The following ASAP2 variants were observed in gnomAD, a reference collection of about 807,000 sequenced individuals.
The protein encoded by ASAP2 is arf-GAP with SH3 domain, ANK repeat and PH domain-containing protein 2.
In ASAP2, 45 loss-of-function variants were observed where a neutral mutation model predicts 131.4. The ratio of observed to expected loss-of-function variants is 0.34; its 90% CI spans 0.27 to 0.44. The LOEUF is 0.44. Ranked by LOEUF, ASAP2 falls within the 20% of genes least tolerant of loss-of-function variation. The pLI is 1.00. For synonymous variants in ASAP2, 510 were observed against 503.0 expected (o/e 1.01, Z -0.19); for missense variants, 1,011 against 1,297.0 (o/e 0.78, Z 3.39).
In ASAP2 at chr2:9,224,249, G is replaced by A. The variant is rs141182305; in HGVS notation, c.126+17019G>A. On this transcript the variant is annotated intron_variant, in intron 1 of 27. Transcript: ENST00000281419. ...CTGCTTGACCTCTGAATACTCTGGC[G>A]CTTCCTTTTTGGGGTCAGGAAGCTT... is the stretch of plus-strand genomic sequence containing the variant. Among the ~76,000 whole-genome samples the A allele has an allele frequency of 2.6e-3, 402 of 152,180 alleles. 1 individual carries two copies. The highest frequency in any genetic ancestry group is 8.6e-3 in the African/African-American group (358 of 41,502).
intron 3 of ASAP2, among the ~76,000 whole-genome samples, 199 bp from the exon 4 acceptor site, chr2:9,318,325 C>G (rs149442402): frequency 6.6e-6 from 1 of 152,164 alleles, no homozygotes; most frequent in African/African-American, 2.4e-5. Context: ...CAGACCTAGA[C>G]TTTTCATTAG....
intron 2 of ASAP2, among the ~76,000 whole-genome samples, chr2:9,289,221 G>T (rs1350352242): frequency 6.6e-6 from 1 of 152,178 alleles, no homozygotes; most frequent in Non-Finnish European, 1.5e-5. Context: ...TGACTCTCCA[G>T]CCCTTCCCCA....
At chr2:9,321,157 A>G (rs567056868) in intron 5 of ASAP2, among the ~76,000 whole-genome samples, 95 of 152,280 alleles carry the variant, frequency 6.2e-4, no homozygotes, top group African/African-American at 2.0e-3. Flanking sequence ...TGTTAAACTA[A>G]AAGGTGTTAT....
chr2:9,276,252 C>T (rs1002201808), intron 1 of ASAP2, among the ~76,000 whole-genome samples: 5 of 152,134 alleles, frequency 3.3e-5, no homozygotes, highest in South Asian at 2.1e-4. Context: ...GCCACCCTAT[C>T]GTGGAGGTGG....
In ASAP2 at chr2:9,232,993, T is replaced by C. The variant is rs1371579440; in HGVS notation, c.126+25763T>C. On this transcript the variant is annotated intron_variant, in intron 1 of 27. Coordinates refer to ENST00000281419, the MANE Select transcript of ASAP2 (RefSeq NM_003887.3). The surrounding 1 kb of genome is among the most constrained non-coding windows in gnomAD (Gnocchi z 4.1). ...CTATTGCCAGCAGGAATCCAAGGAT[T>C]TCCTTTATTATTTCCAAATTGCTGC... is the stretch of plus-strand genomic sequence containing the variant. Among the ~76,000 whole-genome samples, 1 of 152,230 alleles carries C rather than the reference T, an allele frequency of 6.6e-6. No homozygotes were observed. The highest frequency in any genetic ancestry group is 1.9e-4 in the East Asian group (1 of 5,208).
chr2:9,372,844 C>T (rs758944455), intron 16 of ASAP2, among the ~76,000 whole-genome samples: 15 of 152,254 alleles, frequency 9.9e-5, no homozygotes, highest in Non-Finnish European at 1.2e-4. Flanking sequence ...CTTTGAGACA[C>T]AGCAGTTAGC....
intron 2 of ASAP2, among the ~76,000 whole-genome samples, chr2:9,282,991 C>G (rs1375832914): frequency 6.6e-6 from 1 of 152,250 alleles, no homozygotes; most frequent in Non-Finnish European, 1.5e-5. Context: ...GGGACCTGCC[C>G]TTGCTTCCCC....
chr2:9,333,759 A>C (rs1424255552), intron 7 of ASAP2, among the ~76,000 whole-genome samples: 2 of 152,168 alleles, frequency 1.3e-5, no homozygotes, highest in African/African-American at 4.8e-5. Context: ...CATTCCTCTC[A>C]AAAGGGTTAC....
intron 19 of ASAP2, 99 bp downstream of exon 19, chr2:9,379,158 G>T: frequency 4.0e-6 from 3 of 745,804 alleles, no homozygotes; most frequent in Non-Finnish European, 5.9e-6. Flanking sequence ...GGCCAACCCT[G>T]TGGGCTCTTG....
chr2:9,383,426 G>A (rs376259305), intron 20 of ASAP2, among the ~76,000 whole-genome samples: 1 of 151,952 alleles, frequency 6.6e-6, no homozygotes, highest in South Asian at 2.1e-4. Flanking sequence ...GGCTAAAAAA[G>A]TTTTTAAATT....
rs1322814742 is a variant in ASAP2 at position 9,403,365 on chromosome 2, G to A, written c.*38G>A. The A allele has an allele frequency of 1.3e-6, 2 of 1,595,100 alleles. No individual in the cohort carries two copies. Among genetic ancestry groups the A allele is most frequent in the East Asian group, 4.5e-5 (2 of 44,716 alleles). On this transcript the variant is annotated 3_prime_UTR_variant, in exon 28 of 28. Transcript: ENST00000281419. ...CAAAAGCATTAACAGTTATGTTCCT[G>A]TTTCGTTATTGGTACCAAAACTCTT... is the stretch of plus-strand genomic sequence containing the variant.
chr2:9,287,641 C>T (rs1263740596), intron 2 of ASAP2, among the ~76,000 whole-genome samples: 4 of 152,148 alleles, frequency 2.6e-5, no homozygotes, highest in African/African-American at 4.8e-5. Context: ...GACTGAGCGG[C>T]GAGCTGGTGG....
intron 20 of ASAP2, among the ~76,000 whole-genome samples, chr2:9,381,405 C>G (rs1674828446): frequency 6.6e-6 from 1 of 152,328 alleles, no homozygotes; most frequent in East Asian, 1.9e-4. Context: ...GAATTATTAT[C>G]AAATGCTGTA....
chr2:9,287,411 T>C (rs922222009), intron 2 of ASAP2, among the ~76,000 whole-genome samples: 1 of 152,174 alleles, frequency 6.6e-6, no homozygotes, highest in African/African-American at 2.4e-5. Context: ...GAGCAGCATT[T>C]AAAGAAGAAC....
intron 15 of ASAP2, 134 bp downstream of exon 15, chr2:9,359,023 C>T (rs1232359204): frequency 1.8e-6 from 2 of 1,113,600 alleles, no homozygotes; most frequent in African/African-American, 3.2e-5. Flanking sequence ...TAATTAGAAA[C>T]TCATTGATAA....
chr2:9,367,027 A>ATT (rs1171661319), intron 15 of ASAP2, among the ~76,000 whole-genome samples: 19 of 132,922 alleles, frequency 1.4e-4, no homozygotes, highest in South Asian at 4.8e-4. Context: ...TGCCTGCATA[A>ATT]TTTTTTTTTT....
chr2:9,293,607 A>T (rs984107373), intron 2 of ASAP2, among the ~76,000 whole-genome samples: 1 of 152,164 alleles, frequency 6.6e-6, no homozygotes, highest in Non-Finnish European at 1.5e-5. Context: ...TCTGTTCTCT[A>T]GTAGGAAAAT....
At position 9,207,215 on chromosome 2, in the gene ASAP2, G is replaced by C. The variant is rs1258592879; in HGVS notation, c.111G>C (p.Val37=). The change falls in exon 1 of 28, where the codon GTG becomes GTC. Residue 37 remains valine (V), a synonymous_variant. Transcript: ENST00000281419. The surrounding 1 kb of genome is among the most constrained non-coding windows in gnomAD (Gnocchi z 4.1). ...GCACGGCGCAGTGCCGGAACACTGT[G>C]GCGGCCATCGAGGAGGTGAGGCGGC... ...TTRTAQCRNT[V]AAIEEALDVD... The C allele has an allele frequency of 2.5e-6, 4 of 1,594,504 alleles. No homozygotes were observed. The highest frequency in any genetic ancestry group is 3.4e-6 in the Non-Finnish European group (4 of 1,172,178).
intron 1 of ASAP2, chr2:9,271,152 C>T (rs764217932): frequency 1.0e-4 from 50 of 493,258 alleles, no homozygotes; most frequent in Non-Finnish European, 1.7e-4. Flanking sequence ...TTACACTAGT[C>T]CAAGTTAAAA....
Sources: gnomAD v4.1 joint callset for allele counts (sites outside exome capture counted in the v4.1 genomes callset) on GRCh38, gnomAD v4.1.1 for gene constraint, Gnocchi (gnomAD v3.1) non-coding constraint, MANE v1.5 for transcripts, NCBI Gene and HGNC (gene_info 2026-07-23, HGNC 2026-07-21) for gene names.